The following RANBP17 variants were observed in gnomAD, a reference collection of about 807,000 sequenced individuals.
RANBP17 encodes the protein RAN binding protein 17, also known as ran-binding protein 17.
RANBP17 carries 158 observed loss-of-function variants against 141.2 expected under a neutral mutation model. The ratio of observed to expected loss-of-function variants is 1.12; its 90% CI spans 0.98 to 1.28. RANBP17 has a LOEUF of 1.28. Ranked by LOEUF, RANBP17 falls within the 50% of genes most tolerant of loss-of-function variation. The pLI is 0.00. For missense variants in RANBP17, 1,438 were observed against 1,290.7 expected (o/e 1.11, Z -1.75); for synonymous variants, 430 against 450.0 (o/e 0.96, Z 0.56).
At chr5:170,968,537 G>A (rs998816056) in intron 14 of RANBP17, 160 bp downstream of exon 14, 6 of 705,498 alleles carry the variant, frequency 8.5e-6, no homozygotes, top group Non-Finnish European at 1.5e-5. Context: ...TAAGTTGCTT[G>A]TTTTATACCT....
At chr5:171,107,613 A>G (rs1327653674) in intron 14 of RANBP17, among the ~76,000 whole-genome samples, 1 of 152,192 alleles carries the variant, frequency 6.6e-6, no homozygotes, top group African/African-American at 2.4e-5. Context: ...TTGGTGACAA[A>G]TGAGAACACC....
intron 14 of RANBP17, among the ~76,000 whole-genome samples, chr5:171,020,371 A>G (rs900564555): frequency 6.6e-6 from 1 of 152,140 alleles, no homozygotes; most frequent in Non-Finnish European, 1.5e-5. Context: ...GTGGGGTGTT[A>G]AAGTCTCCCA....
intron 14 of RANBP17, among the ~76,000 whole-genome samples, chr5:171,058,661 C>A (rs1314590674): frequency 8.7e-5 from 13 of 150,010 alleles, no homozygotes; most frequent in East Asian, 5.9e-4. Context: ...ATTTATAGTC[C>A]TTTGGGTATA....
chr5:170,965,739 TTC>T (rs1374379558), intron 13 of RANBP17, among the ~76,000 whole-genome samples: 1 of 152,168 alleles, frequency 6.6e-6, no homozygotes, highest in Non-Finnish European at 1.5e-5. Flanking sequence ...GAGGGCTCTG[TTC>T]TGTTCCGTTG....
At chr5:171,164,511 T>C (rs1406865804) in intron 14 of RANBP17, among the ~76,000 whole-genome samples, 2 of 137,288 alleles carry the variant, frequency 1.5e-5, no homozygotes, top group South Asian at 4.5e-4. Context: ...TGTCATTTGA[T>C]GAGTTGAGAA....
intron 11 of RANBP17, among the ~76,000 whole-genome samples, chr5:170,922,457 G>T (rs556675194): frequency 3.0e-4 from 45 of 152,324 alleles, no homozygotes; most frequent in African/African-American, 1.1e-3. Context: ...TACAGAGGCT[G>T]AGCTGCGGTG....
At chr5:170,927,528 G>A (rs899815234) in intron 12 of RANBP17, among the ~76,000 whole-genome samples, 1 of 151,684 alleles carries the variant, frequency 6.6e-6, no homozygotes, top group Admixed American at 6.6e-5. Flanking sequence ...TTTTGTAAAT[G>A]AACAATTCAT....
chr5:171,232,562 C>G (rs966890210), intron 22 of RANBP17, among the ~76,000 whole-genome samples: 14 of 151,808 alleles, frequency 9.2e-5, no homozygotes, highest in Non-Finnish European at 1.5e-5. Flanking sequence ...AATGTTATTT[C>G]AAAATAAATT....
chr5:171,298,857 G>A lies in RANBP17; in HGVS notation c.3266G>A (p.Ter1089=). The A allele has an allele frequency of 1.2e-6, 2 of 1,613,524 alleles. No individual in the cohort carries two copies. The highest frequency in any genetic ancestry group is 1.7e-6 in the Non-Finnish European group (2 of 1,179,456). ...TEPCSLDMMS[*] is the part of the protein sequence containing the mutation. ...CCATGCAGTCTCGACATGATGAGCT[G>A]ACCCGACTTTTCTGACCATGTGCGG... Residue 1089 remains the stop codon, a stop_retained_variant, in exon 28 of 28, where the codon TGA becomes TAA. Transcript: ENST00000523189.
intron 21 of RANBP17, among the ~76,000 whole-genome samples, 158 bp downstream of exon 21, chr5:171,213,896 C>A (rs887928335): frequency 6.6e-6 from 1 of 152,070 alleles, no homozygotes. Context: ...TAGAGACATA[C>A]GATTGAGGCC....
At chr5:170,936,749 CTT>C (rs1773911158) in intron 12 of RANBP17, among the ~76,000 whole-genome samples, 1 of 151,944 alleles carries the variant, frequency 6.6e-6, no homozygotes, top group Non-Finnish European at 1.5e-5. Flanking sequence ...TTCATATATT[CTT>C]TGTCTTTATT....
At chr5:170,964,800 T>C (rs184198488) in intron 13 of RANBP17, among the ~76,000 whole-genome samples, 151 of 152,348 alleles carry the variant, frequency 9.9e-4, no homozygotes, top group African/African-American at 3.5e-3. Context: ...TCTATCATTG[T>C]TGGACATTTG....
intron 14 of RANBP17, among the ~76,000 whole-genome samples, chr5:171,029,513 T>A (rs1781425779): frequency 6.6e-6 from 1 of 152,130 alleles, no homozygotes; most frequent in African/African-American, 2.4e-5. Flanking sequence ...ACGGAGGTCT[T>A]TGTTGGCTTG....
chr5:171,143,784 G>A (rs981967847), intron 14 of RANBP17, among the ~76,000 whole-genome samples: 1 of 152,218 alleles, frequency 6.6e-6, no homozygotes, highest in African/African-American at 2.4e-5. Flanking sequence ...GTCAAGAGAA[G>A]CATCCTAAGA....
At chr5:171,007,197 A>T (rs968630023) in intron 14 of RANBP17, among the ~76,000 whole-genome samples, 1 of 152,170 alleles carries the variant, frequency 6.6e-6, no homozygotes, top group African/African-American at 2.4e-5. Context: ...GTGGGGTCTG[A>T]TGAGAAAGAG....
intron 20 of RANBP17, among the ~76,000 whole-genome samples, chr5:171,211,840 C>T (rs1463844036): frequency 6.6e-6 from 1 of 152,108 alleles, no homozygotes; most frequent in Non-Finnish European, 1.5e-5. Flanking sequence ...GCCTTATTTT[C>T]ATTGAACATC....
chr5:171,057,016 A>T (rs1380730765), intron 14 of RANBP17, among the ~76,000 whole-genome samples: 1 of 152,154 alleles, frequency 6.6e-6, no homozygotes, highest in Non-Finnish European at 1.5e-5. Flanking sequence ...TGCACTATTG[A>T]TGTCAAACCT....
chr5:171,239,075 T>C (rs1764709788), intron 22 of RANBP17, among the ~76,000 whole-genome samples: 1 of 152,230 alleles, frequency 6.6e-6, no homozygotes, highest in African/African-American at 2.4e-5. Flanking sequence ...TGCTGTCATA[T>C]TGAGTTGAAT....
chr5:171,280,335 TGGCACAATCTCAGCTCA>T (rs1279323399), intron 25 of RANBP17, among the ~76,000 whole-genome samples: 1 of 152,192 alleles, frequency 6.6e-6, no homozygotes, highest in African/African-American at 2.4e-5. Context: ...TGGAGTGCAG[TGGCACAATCTCAGCTCA>T]CTGTGACCTC....
Sources: gnomAD v4.1 joint callset for allele counts (sites outside exome capture counted in the v4.1 genomes callset) on GRCh38, gnomAD v4.1.1 for gene constraint, MANE v1.5 for transcripts, NCBI Gene and HGNC (gene_info 2026-07-23, HGNC 2026-07-21) for gene names.